Variants in OLFM3 observed in about 807,000 individuals in gnomAD.
OLFM3 encodes noelin-3.
A neutral mutation model predicts 48.6 loss-of-function variants in OLFM3; 20 were observed. The observed-to-expected ratio is 0.41, with a 90% CI of 0.29 to 0.60. OLFM3 has a LOEUF of 0.60. Among genes scored for constraint, OLFM3 ranks in the 20% least tolerant of loss-of-function variants. OLFM3 has a pLI of 0.28. For synonymous variants in OLFM3, 222 were observed against 198.1 expected (o/e 1.12, Z -1.01); for missense variants, 437 against 544.3 (o/e 0.80, Z 1.96).
intron 4 of OLFM3, among the ~76,000 whole-genome samples, chr1:101,808,538 G>T (rs930946720): frequency 6.6e-6 from 1 of 151,832 alleles, no homozygotes; most frequent in Non-Finnish European, 1.5e-5. Flanking sequence ...CATGCCTTAA[G>T]AGCAATTGAT....
At chr1:101,837,121 A>C (rs970234411) in intron 1 of OLFM3, 96 bp from the exon 2 acceptor site, 2 of 1,256,098 alleles carry the variant, frequency 1.6e-6, no homozygotes, top group Non-Finnish European at 2.2e-6. Context: ...CTTTTTTGAT[A>C]ATTTAACTTT....
intron 1 of OLFM3, among the ~76,000 whole-genome samples, chr1:101,965,025 T>C (rs1660569777): frequency 6.6e-6 from 1 of 152,134 alleles, no homozygotes; most frequent in African/African-American, 2.4e-5. Context: ...AGAGGGAAGA[T>C]CATTCAAACC....
At chr1:101,826,034 C>T (rs1250231633) in intron 3 of OLFM3, among the ~76,000 whole-genome samples, 1 of 151,776 alleles carries the variant, frequency 6.6e-6, no homozygotes, top group African/African-American at 2.4e-5. Context: ...GCCCATGTGG[C>T]GAATTAACTC....
chr1:101,829,445 G>A lies in OLFM3; in HGVS notation c.372+1227C>T, dbSNP rs149203733. The stretch of plus-strand genomic sequence containing the variant: ...GCCCTCTTTTTCTTCCTTTGTGACC[G>A]TCTGGGTAAAACTTTAAAACCAATT... On this transcript the variant is annotated intron_variant, in intron 3 of 5. Coordinates refer to ENST00000370103, the MANE Select transcript of OLFM3 (RefSeq NM_058170.4). Among the ~76,000 whole-genome samples, 358 of 152,032 alleles carry A rather than the reference G, an allele frequency of 2.4e-3. 1 individual carries two copies. Among genetic ancestry groups the A allele is most frequent in the Non-Finnish European group, 2.2e-3 (149 of 67,998 alleles).
At chr1:101,894,192 A>G (rs977508844) in intron 1 of OLFM3, 5 of 152,772 alleles carry the variant, frequency 3.3e-5, no homozygotes, top group Non-Finnish European at 7.4e-5. Context: ...TAAAGGAAGA[A>G]TAAATACAAT....
intron 1 of OLFM3, among the ~76,000 whole-genome samples, chr1:101,936,910 C>T (rs1177550990): frequency 6.6e-6 from 1 of 152,106 alleles, no homozygotes; most frequent in African/African-American, 2.4e-5. Context: ...TGTTTAGCCA[C>T]ATGCCGAAGA....
At chr1:101,948,911 TAATAA>T (rs1660038899) in intron 1 of OLFM3, among the ~76,000 whole-genome samples, 2 of 148,818 alleles carry the variant, frequency 1.3e-5, no homozygotes, top group African/African-American at 4.9e-5. Flanking sequence ...TGCTTATATA[TAATAA>T]AATAAAAAAC....
At chr1:101,889,234 A>C (rs1405556605) in intron 1 of OLFM3, among the ~76,000 whole-genome samples, 1 of 152,172 alleles carries the variant, frequency 6.6e-6, no homozygotes, top group Non-Finnish European at 1.5e-5. Context: ...TCACAATAGC[A>C]AAGACTTGGA....
intron 1 of OLFM3, among the ~76,000 whole-genome samples, chr1:101,935,186 G>A (rs963915798): frequency 3.3e-5 from 5 of 151,756 alleles, no homozygotes; most frequent in Non-Finnish European, 7.4e-5. Flanking sequence ...GAATCTAGGA[G>A]TTTGTTTTTT....
chr1:101,935,035 C>A (rs114607480), intron 1 of OLFM3, among the ~76,000 whole-genome samples: 7 of 151,872 alleles, frequency 4.6e-5, no homozygotes, highest in African/African-American at 1.4e-4. Flanking sequence ...CTCAAATTAA[C>A]GACCTAACAT....
intron 1 of OLFM3, among the ~76,000 whole-genome samples, chr1:101,903,725 A>C (rs559651804): frequency 6.6e-6 from 1 of 152,202 alleles, no homozygotes; most frequent in Admixed American, 6.6e-5. Context: ...CATTTTGTAA[A>C]AATACAGCTT....
intron 2 of OLFM3, among the ~76,000 whole-genome samples, chr1:101,833,824 CA>C (rs1655278549): frequency 6.6e-6 from 1 of 152,046 alleles, no homozygotes; most frequent in Non-Finnish European, 1.5e-5. Flanking sequence ...TAGGACTTAA[CA>C]AAAACTTTAG....
chr1:101,835,259 G>T (rs1245555059), intron 2 of OLFM3, among the ~76,000 whole-genome samples: 2 of 151,890 alleles, frequency 1.3e-5, no homozygotes, highest in African/African-American at 4.8e-5. Context: ...TAATTTCCCT[G>T]GTAAACAAAC....
At chr1:101,872,099 G>C (rs950445704) in intron 1 of OLFM3, among the ~76,000 whole-genome samples, 1 of 152,012 alleles carries the variant, frequency 6.6e-6, no homozygotes, top group Admixed American at 6.6e-5. Context: ...GTGTGTTTGA[G>C]AGGAAGGTAA....
At chr1:101,916,657 A>G (rs1262402337) in intron 1 of OLFM3, among the ~76,000 whole-genome samples, 2 of 152,180 alleles carry the variant, frequency 1.3e-5, no homozygotes, top group Non-Finnish European at 1.5e-5. Flanking sequence ...ACTTTGCAAA[A>G]CATTTGTGTA....
At chr1:101,861,427 C>A (rs1656652115) in intron 1 of OLFM3, among the ~76,000 whole-genome samples, 1 of 152,218 alleles carries the variant, frequency 6.6e-6, no homozygotes, top group Non-Finnish European at 1.5e-5. Flanking sequence ...CTGGCTGCTG[C>A]CTAGACATTA....
chr1:101,852,290 T>C (rs558288010), intron 1 of OLFM3, among the ~76,000 whole-genome samples: 1 of 152,096 alleles, frequency 6.6e-6, no homozygotes, highest in Non-Finnish European at 1.5e-5. Flanking sequence ...TTTACACTTC[T>C]CCACTCTGCT....
rs766359752 is a variant in OLFM3, at chr1:101,825,135, A to G, written c.483T>C (p.Ser161=). The G allele has an allele frequency of 1.2e-6, 2 of 1,614,036 alleles. No homozygotes were observed. Among genetic ancestry groups the G allele is most frequent in the Admixed American group, 3.3e-5 (2 of 60,010 alleles). ...CCTCCTGAATACCAGTGAGGACAGC[A>G]GACAGATTCCTTATTTCCTCCTTGA... The part of the protein sequence containing the change: ...TQFKEEIRNL[S]AVLTGIQEEI... Residue 161 remains serine, a synonymous_variant, in exon 4 of 6, where the codon TCT becomes TCC. Coordinates refer to ENST00000370103, the MANE Select transcript of OLFM3 (RefSeq NM_058170.4).
intron 1 of OLFM3, among the ~76,000 whole-genome samples, chr1:101,862,421 C>G (rs1167775423): frequency 6.6e-6 from 1 of 152,156 alleles, no homozygotes; most frequent in African/African-American, 2.4e-5. Flanking sequence ...GTACTGAGCA[C>G]AGTGCTTATC....
Sources: gnomAD v4.1 joint callset for allele counts (sites outside exome capture counted in the v4.1 genomes callset) on GRCh38, gnomAD v4.1.1 for gene constraint, MANE v1.5 for transcripts, NCBI Gene and HGNC (gene_info 2026-07-23, HGNC 2026-07-21) for gene names.